Variants in PLPPR5 observed in about 807,000 individuals in gnomAD.
The protein encoded by PLPPR5 is phospholipid phosphatase related 5.
In PLPPR5, 16 loss-of-function variants were observed where a neutral mutation model predicts 33.9. The observed-to-expected ratio is 0.47, with a 90% CI of 0.32 to 0.72. The LOEUF (loss-of-function observed/expected upper bound fraction) is 0.72, where lower values mean the gene tolerates loss of function less well. Ranked by LOEUF, PLPPR5 falls within the 30% of genes least tolerant of loss-of-function variation. PLPPR5 has a pLI of 0.03. For synonymous variants in PLPPR5, 163 were observed against 150.3 expected, an observed-to-expected ratio of 1.08 and a Z score of -0.62; for missense variants, 301 against 406.7, an observed-to-expected ratio of 0.74 and a Z score of 2.23.
intron 5 of PLPPR5, among the ~76,000 whole-genome samples, chr1:98,905,721 T>C (rs1570684359): frequency 6.6e-6 from 1 of 152,192 alleles, no homozygotes; most frequent in East Asian, 1.9e-4. Context: ...AAATGGTTTC[T>C]ATTCTTTCTG....
intron 1 of PLPPR5, among the ~76,000 whole-genome samples, chr1:99,003,219 T>C (rs1652937068): frequency 6.6e-6 from 1 of 151,348 alleles, no homozygotes; most frequent in Non-Finnish European, 1.5e-5. Context: ...ATTACTTGAT[T>C]TGTTCACTGA....
intron 1 of PLPPR5, among the ~76,000 whole-genome samples, chr1:99,001,424 C>T (rs974235833): frequency 2.6e-5 from 4 of 151,780 alleles, no homozygotes; most frequent in African/African-American, 9.7e-5. Context: ...CGTGAGTCAC[C>T]GCAACCGACC....
At chr1:98,939,395 A>T (rs1057263012) in intron 3 of PLPPR5, among the ~76,000 whole-genome samples, 2 of 151,792 alleles carry the variant, frequency 1.3e-5, no homozygotes, top group African/African-American at 4.8e-5. Flanking sequence ...TAAAGCCTTA[A>T]AAAGGGGACC....
intron 3 of PLPPR5, among the ~76,000 whole-genome samples, chr1:98,952,299 T>C (rs1284176593): frequency 6.7e-6 from 1 of 149,756 alleles, no homozygotes; most frequent in Non-Finnish European, 1.5e-5. Flanking sequence ...CTGACCTTAT[T>C]GGGGTTTGTG....
chr1:98,973,262 A>G (rs888083527), intron 1 of PLPPR5, among the ~76,000 whole-genome samples: 2 of 152,122 alleles, frequency 1.3e-5, no homozygotes, highest in Non-Finnish European at 2.9e-5. Flanking sequence ...TAAAATATAC[A>G]AATAACTATC....
At position 98,980,372 on chromosome 1, in the gene PLPPR5, T is replaced by C. The variant is rs200834272; in HGVS notation, c.238-23631A>G. On this transcript the variant is annotated intron_variant, in intron 1 of 5. Transcript: ENST00000263177. ...AGAAGTCAAGACTCTAGTACACTCATATCATAAAACTTATGCAAATCCAAT... is the reference window on the plus strand; with the variant it reads ...AGAAGTCAAGACTCTAGTACACTCACATCATAAAACTTATGCAAATCCAAT... 1.8e-4 allele frequency among the ~76,000 whole-genome samples: 28 copies of C among 152,242 alleles called. No individual in the cohort carries two copies. The East Asian group carries it at 5.4e-3, about 30-fold the overall frequency.
chr1:98,953,259 T>C lies in PLPPR5; in HGVS notation c.432A>G (p.Thr144=). The C allele has an allele frequency of 6.2e-7, 1 of 1,614,096 alleles. No individual in the cohort carries two copies. Among genetic ancestry groups the C allele is most frequent in the Middle Eastern group, 1.6e-4 (1 of 6,062 alleles). ...CAAGGAAATGTGGGGCCAGATTTCC[T>C]GTGACTACTTGTCCAGCATTTACAA... ...DIFVNAGQVV[T]GNLAPHFLAL... is the part of the protein sequence containing the mutation. The change falls in exon 3 of 6, where the codon ACA becomes ACG. Residue 144 remains threonine, a synonymous_variant. Coordinates refer to ENST00000263177, the MANE Select transcript of PLPPR5 (RefSeq NM_001037317.2).
Position 98,893,101 on chromosome 1 carries a change from G to T in PLPPR5, c.937C>A (p.His313Asn). ...PLEKVTSVQNHITAFAEVT is the reference protein window; with the variant it reads ...PLEKVTSVQNNITAFAEVT ...GTGACTTCTGCGAAGGCAGTGATGT[G>T]GTTCTGCAAAAAGAAAAAGGAATGA... Residue 313 changes from histidine (H) to asparagine (N), a missense_variant, in exon 6 of 6, where the codon CAC (histidine) becomes AAC (asparagine). Transcript: ENST00000263177. 1.2e-6 allele frequency: 2 copies of T among 1,610,858 alleles called. No homozygotes were observed. Among genetic ancestry groups the T allele is most frequent in the Non-Finnish European group, 1.7e-6 (2 of 1,178,156 alleles).
chr1:98,963,428 A>G (rs1473260120), intron 1 of PLPPR5, among the ~76,000 whole-genome samples: 2 of 152,212 alleles, frequency 1.3e-5, no homozygotes, highest in Non-Finnish European at 2.9e-5. Flanking sequence ...CTACTATTAT[A>G]GCACAGTGAC....
At chr1:98,973,022 A>G (rs1272571486) in intron 1 of PLPPR5, among the ~76,000 whole-genome samples, 2 of 152,126 alleles carry the variant, frequency 1.3e-5, no homozygotes, top group Non-Finnish European at 2.9e-5. Flanking sequence ...GAACAGACAC[A>G]TACTGTAGCA....
chr1:98,970,751 C>T (rs1651628856), intron 1 of PLPPR5, among the ~76,000 whole-genome samples: 1 of 151,896 alleles, frequency 6.6e-6, no homozygotes, highest in Admixed American at 6.6e-5. Flanking sequence ...TAGTAAATGA[C>T]AGATCTGACA....
chr1:98,988,631 C>T (rs985089875), intron 1 of PLPPR5, among the ~76,000 whole-genome samples: 18 of 152,052 alleles, frequency 1.2e-4, no homozygotes, highest in Non-Finnish European at 2.2e-4. Flanking sequence ...GTGGGCCATA[C>T]TGAGAGCTCA....
intron 2 of PLPPR5, among the ~76,000 whole-genome samples, chr1:98,955,142 G>A (rs1487152422): frequency 6.6e-6 from 1 of 152,056 alleles, no homozygotes; most frequent in African/African-American, 2.4e-5. Flanking sequence ...CTATTATACA[G>A]TGATGCTTCG....
intron 1 of PLPPR5, among the ~76,000 whole-genome samples, chr1:98,988,161 G>C (rs926439589): frequency 1.3e-5 from 2 of 152,054 alleles, no homozygotes; most frequent in African/African-American, 4.8e-5. Flanking sequence ...CAAGTCTAAA[G>C]TCCACTTTGA....
chr1:98,981,611 C>A (rs1031415748), intron 1 of PLPPR5, among the ~76,000 whole-genome samples: 2 of 152,096 alleles, frequency 1.3e-5, no homozygotes, highest in African/African-American at 4.8e-5. Flanking sequence ...TTTCTTCTAT[C>A]TCTGACTATC....
intron 1 of PLPPR5, among the ~76,000 whole-genome samples, chr1:98,988,930 C>T (rs1652354235): frequency 6.6e-6 from 1 of 152,088 alleles, no homozygotes; most frequent in South Asian, 2.1e-4. Context: ...GTCCACCCAG[C>T]ACGTAACTTT....
intron 1 of PLPPR5, among the ~76,000 whole-genome samples, chr1:98,994,503 A>G (rs1557696846): frequency 6.6e-6 from 1 of 152,180 alleles, no homozygotes; most frequent in East Asian, 1.9e-4. Flanking sequence ...ATTAGCTAAC[A>G]AATTTTGTAT....
chr1:98,948,854 G>A (rs1650656178), intron 3 of PLPPR5, among the ~76,000 whole-genome samples: 1 of 152,178 alleles, frequency 6.6e-6, no homozygotes, highest in Admixed American at 6.5e-5. Context: ...TATCCTGACA[G>A]TAACAGATTG....
At chr1:98,936,694 G>A (rs1650179261) in intron 3 of PLPPR5, among the ~76,000 whole-genome samples, 1 of 152,192 alleles carries the variant, frequency 6.6e-6, no homozygotes, top group African/African-American at 2.4e-5. Context: ...AATTGCCAGA[G>A]AAAATGCAAA....
Sources: gnomAD v4.1 joint callset for allele counts (sites outside exome capture counted in the v4.1 genomes callset) on GRCh38, gnomAD v4.1.1 for gene constraint, MANE v1.5 for transcripts, NCBI Gene and HGNC (gene_info 2026-07-23, HGNC 2026-07-21) for gene names.